Variants in ANKIB1 observed in about 807,000 individuals in gnomAD.
The protein encoded by ANKIB1 is ankyrin repeat and IBR domain containing 1.
In ANKIB1, 43 loss-of-function variants were observed where a neutral mutation model predicts 122.1. The ratio of observed to expected loss-of-function variants is 0.35; its 90% CI spans 0.28 to 0.45. ANKIB1 has a LOEUF of 0.45. Ranked by LOEUF, ANKIB1 falls within the 20% of genes least tolerant of loss-of-function variation. The pLI is 1.00. For missense variants in ANKIB1, 992 were observed against 1,329.5 expected (o/e 0.75, Z 3.95); for synonymous variants, 390 against 442.0 (o/e 0.88, Z 1.48).
At chr7:92,329,973 GA>G (rs1803133836) in intron 5 of ANKIB1, among the ~76,000 whole-genome samples, 1 of 152,152 alleles carries the variant, frequency 6.6e-6, no homozygotes, top group Non-Finnish European at 1.5e-5. Flanking sequence ...TTCCCCTGCT[GA>G]AAACCCTTCA....
chr7:92,250,645 T>A (rs1277623573), intron 1 of ANKIB1, among the ~76,000 whole-genome samples: 1 of 152,214 alleles, frequency 6.6e-6, no homozygotes, highest in Non-Finnish European at 1.5e-5. Context: ...GCTTTTAAAA[T>A]TTTTGAGTTT....
At chr7:92,396,578 A>G (rs1804897576) in intron 18 of ANKIB1, 102 bp downstream of exon 18, 1 of 638,916 alleles carries the variant, frequency 1.6e-6, no homozygotes, top group Non-Finnish European at 2.8e-6. Context: ...TCATTTAGAT[A>G]TACAATAAAT....
At chr7:92,368,652 CA>C (rs1228477271) in intron 10 of ANKIB1, among the ~76,000 whole-genome samples, 2 of 151,212 alleles carry the variant, frequency 1.3e-5, no homozygotes, top group Admixed American at 1.3e-4. Context: ...ACCCAGGAGG[CA>C]GAGTTTGCAG....
At position 92,388,049 on chromosome 7, in the gene ANKIB1, A is replaced by G. The variant is rs1000702555; in HGVS notation, c.1906+8A>G. 1.9e-6 allele frequency: 3 copies of G among 1,556,366 alleles called. No homozygotes were observed. The highest frequency in any genetic ancestry group is 1.9e-5 in the Admixed American group (1 of 51,746). On this transcript the variant is annotated splice_region_variant and intron_variant, in intron 14 of 19. Transcript: ENST00000265742. Reference sequence around the variant, plus strand: ...GCAGAGCTCTCAAAGAAAGTAAGTTATAAGTTGTATGTGTGATAATTAATA... The same window carrying G: ...GCAGAGCTCTCAAAGAAAGTAAGTTGTAAGTTGTATGTGTGATAATTAATA...
At chr7:92,347,705 G>C (rs1218557939) in intron 7 of ANKIB1, among the ~76,000 whole-genome samples, 2 of 152,318 alleles carry the variant, frequency 1.3e-5, no homozygotes, top group African/African-American at 4.8e-5. Flanking sequence ...AAGAGCTCAA[G>C]TTCTGGATAC....
chr7:92,337,435 C>A (rs1202716937), intron 5 of ANKIB1, among the ~76,000 whole-genome samples: 1 of 151,770 alleles, frequency 6.6e-6, no homozygotes, highest in Non-Finnish European at 1.5e-5. Context: ...TTACTTTTTC[C>A]AGATCTTTTT....
intron 5 of ANKIB1, among the ~76,000 whole-genome samples, chr7:92,332,254 T>C (rs548351909): frequency 9.8e-5 from 15 of 152,318 alleles, no homozygotes; most frequent in Middle Eastern, 3.4e-3. Context: ...GCTTGTGAGT[T>C]AGTGCACATA....
chr7:92,291,681 A>G (rs960530198), intron 1 of ANKIB1, among the ~76,000 whole-genome samples: 1 of 150,778 alleles, frequency 6.6e-6, no homozygotes, highest in Admixed American at 6.6e-5. Flanking sequence ...GGTTCAACCA[A>G]TTCTCCTGCC....
At chr7:92,306,002 G>C (rs1802552885) in intron 2 of ANKIB1, among the ~76,000 whole-genome samples, 1 of 151,998 alleles carries the variant, frequency 6.6e-6, no homozygotes, top group Admixed American at 6.6e-5. Context: ...TTTTTGCTCA[G>C]GGATAGATTC....
At chr7:92,315,308 T>C (rs1802773665) in intron 3 of ANKIB1, among the ~76,000 whole-genome samples, 1 of 152,164 alleles carries the variant, frequency 6.6e-6, no homozygotes, top group Admixed American at 6.5e-5. Flanking sequence ...TCCTAGCTTA[T>C]CCACATGAAA....
Position 92,399,666 on chromosome 7 carries a change from A to G in ANKIB1, c.*717A>G, listed in dbSNP as rs932021898. On this transcript the variant is annotated 3_prime_UTR_variant, in exon 20 of 20. Coordinates refer to ENST00000265742, the MANE Select transcript of ANKIB1 (RefSeq NM_019004.2). ...GAGTAAAAGGTGCCACTTGGTAGCA[A>G]TGATATTCCAGAATTAAATGGGTTT... The G allele has an allele frequency of 2.0e-5, 3 of 152,234 alleles. No homozygotes were observed. Among genetic ancestry groups the G allele is most frequent in the Admixed American group, 1.3e-4 (2 of 15,274 alleles). The allele number at this position is 152,234 out of a possible 1,614,324, so 9.4% of individuals were successfully genotyped here.
intron 17 of ANKIB1, chr7:92,396,120 G>T: frequency 2.0e-6 from 1 of 490,564 alleles, no homozygotes. Context: ...TTCTAATGTA[G>T]CACTGGGGCT....
chr7:92,345,097 C>A (rs758421029), intron 7 of ANKIB1, 31 bp downstream of exon 7: 1 of 1,431,010 alleles, frequency 7.0e-7, no homozygotes, highest in South Asian at 1.2e-5. Flanking sequence ...GCATCTCTTA[C>A]TGCATGATAG....
At chr7:92,264,292 G>C (rs1460663832) in intron 1 of ANKIB1, among the ~76,000 whole-genome samples, 1 of 151,652 alleles carries the variant, frequency 6.6e-6, no homozygotes. Context: ...GGGGAAAGAG[G>C]CAATGGCATT....
chr7:92,260,976 T>C (rs1801549895), intron 1 of ANKIB1, among the ~76,000 whole-genome samples: 1 of 152,184 alleles, frequency 6.6e-6, no homozygotes, highest in African/African-American at 2.4e-5. Flanking sequence ...GACTACCAGT[T>C]ATTGACTTCC....
chr7:92,372,087 A>AG (rs1562795610), intron 11 of ANKIB1, among the ~76,000 whole-genome samples: 1 of 151,630 alleles, frequency 6.6e-6, no homozygotes, highest in African/African-American at 2.4e-5. Context: ...GCTTAGACTC[A>AG]AGGCCCAAAC....
intron 11 of ANKIB1, among the ~76,000 whole-genome samples, chr7:92,381,591 A>G (rs1386312942): frequency 2.0e-5 from 3 of 152,226 alleles, no homozygotes; most frequent in Non-Finnish European, 4.4e-5. Flanking sequence ...AATATTCAAC[A>G]TTCTTAAAGA....
At chr7:92,354,199 AG>A in intron 9 of ANKIB1, among the ~76,000 whole-genome samples, 1 of 152,326 alleles carries the variant, frequency 6.6e-6, no homozygotes, top group Non-Finnish European at 1.5e-5. Flanking sequence ...CTACCAATAT[AG>A]GTCAGACTCT....
intron 5 of ANKIB1, among the ~76,000 whole-genome samples, chr7:92,338,895 G>C (rs1803355110): frequency 1.0e-5 from 1 of 96,756 alleles, no homozygotes; most frequent in Non-Finnish European, 1.9e-5. Context: ...CTGGGCGACA[G>C]AGTGAGACTC....
Sources: allele counts gnomAD v4.1 joint callset (sites outside exome capture counted in the v4.1 genomes callset), GRCh38; gene constraint gnomAD v4.1.1; transcripts MANE v1.5; gene names NCBI Gene and HGNC (gene_info 2026-07-23, HGNC 2026-07-21).